PPM1L: variants seen among roughly 807,000 people sequenced by gnomAD.
PPM1L encodes protein phosphatase 1L.
A neutral mutation model predicts 31.4 loss-of-function variants in PPM1L; 13 were observed. The observed-to-expected ratio is 0.41, with a 90% CI of 0.27 to 0.66. PPM1L has a LOEUF of 0.66. Among genes scored for constraint, PPM1L ranks in the 30% least tolerant of loss-of-function variants. The pLI, the probability that PPM1L is intolerant of heterozygous loss-of-function variation, is 0.29. For missense variants in PPM1L, 326 were observed against 453.7 expected (o/e 0.72, Z 2.56); for synonymous variants, 184 against 175.4 (o/e 1.05, Z -0.39).
chr3:160,871,134 G>A (rs1712287417), intron 1 of PPM1L, among the ~76,000 whole-genome samples: 1 of 152,096 alleles, frequency 6.6e-6, no homozygotes, highest in South Asian at 2.1e-4. Context: ...ATATATAAAT[G>A]TCAAGGCTTC....
At chr3:160,884,868 A>C (rs927323615) in intron 1 of PPM1L, among the ~76,000 whole-genome samples, 3 of 152,238 alleles carry the variant, frequency 2.0e-5, no homozygotes, top group Non-Finnish European at 2.9e-5. Flanking sequence ...GAGTAGTGTT[A>C]GTCCCATGGA....
At chr3:160,977,830 C>T (rs1281132169) in intron 2 of PPM1L, among the ~76,000 whole-genome samples, 1 of 152,118 alleles carries the variant, frequency 6.6e-6, no homozygotes, top group Non-Finnish European at 1.5e-5. Context: ...AACCTAATGA[C>T]TTATAAAGTT....
intron 1 of PPM1L, among the ~76,000 whole-genome samples, chr3:160,803,632 A>C (rs1411166462): frequency 2.6e-5 from 4 of 152,140 alleles, no homozygotes; most frequent in Non-Finnish European, 5.9e-5. Flanking sequence ...ATATATGTAG[A>C]CATGCCTTAT....
chr3:161,061,818 T>A (rs1316529115), intron 2 of PPM1L, among the ~76,000 whole-genome samples: 1 of 152,154 alleles, frequency 6.6e-6, no homozygotes, highest in Non-Finnish European at 1.5e-5. Flanking sequence ...ACAGCCACAC[T>A]CTAAATCTCT....
intron 2 of PPM1L, among the ~76,000 whole-genome samples, chr3:161,005,156 T>C (rs960225327): frequency 6.6e-6 from 1 of 152,244 alleles, no homozygotes; most frequent in African/African-American, 2.4e-5. Flanking sequence ...TGCCTTCATT[T>C]TGTTATGTAC....
intron 2 of PPM1L, among the ~76,000 whole-genome samples, chr3:160,962,189 G>A (rs1478466457): frequency 6.6e-6 from 1 of 151,700 alleles, no homozygotes; most frequent in Non-Finnish European, 1.5e-5. Flanking sequence ...TTTCAACTTT[G>A]GATAGCAACT....
At chr3:160,819,192 G>A (rs1478457271) in intron 1 of PPM1L, among the ~76,000 whole-genome samples, 1 of 151,886 alleles carries the variant, frequency 6.6e-6, no homozygotes, top group Non-Finnish European at 1.5e-5. Flanking sequence ...GATTTCACTT[G>A]GCCTAAATTT....
At chr3:160,920,956 T>C (rs1327103365) in intron 1 of PPM1L, among the ~76,000 whole-genome samples, 1 of 152,142 alleles carries the variant, frequency 6.6e-6, no homozygotes, top group Non-Finnish European at 1.5e-5. Context: ...ACCATTTTCT[T>C]ACATTTTTAT....
chr3:161,022,050 TTA>T lies in PPM1L; in HGVS notation c.575-43349_575-43348del, dbSNP rs1422741602. ...TGTTTACTATTTTACTATTTGTTTT[TTA>T]TATGTCTTATGTATTTTGTTCCTTT... is the stretch of plus-strand genomic sequence containing the variant. On this transcript the variant is annotated intron_variant, in intron 2 of 3. Coordinates refer to ENST00000498165, the MANE Select transcript of PPM1L (RefSeq NM_139245.4). The T allele has an allele frequency of 1.8e-5, 9 of 514,158 alleles. No homozygotes were observed. The East Asian group carries it at 2.3e-4, about 13-fold the overall frequency. The allele number at this position is 514,158 out of a possible 1,614,324, so 31.8% of individuals were successfully genotyped here.
chr3:160,827,018 A>G (rs1310801173), intron 1 of PPM1L, among the ~76,000 whole-genome samples: 1 of 152,154 alleles, frequency 6.6e-6, no homozygotes, highest in Non-Finnish European at 1.5e-5. Context: ...CAAAAGAACA[A>G]TTATGGATTT....
intron 1 of PPM1L, among the ~76,000 whole-genome samples, chr3:160,952,508 T>C (rs1390179685): frequency 6.6e-6 from 1 of 152,186 alleles, no homozygotes; most frequent in Non-Finnish European, 1.5e-5. Context: ...TCGGTGACCA[T>C]TTCCCTAAAT....
intron 1 of PPM1L, among the ~76,000 whole-genome samples, chr3:160,941,506 G>A (rs1715161724): frequency 6.6e-6 from 1 of 152,122 alleles, no homozygotes; most frequent in Non-Finnish European, 1.5e-5. Context: ...TCATGATAGT[G>A]AATAAGTCTC....
At chr3:160,945,149 CTA>C (rs1715367108) in intron 1 of PPM1L, among the ~76,000 whole-genome samples, 1 of 96,562 alleles carries the variant, frequency 1.0e-5, no homozygotes, top group African/African-American at 4.3e-5. Flanking sequence ...ATCTATCTAT[CTA>C]TCTCCACTGA....
At chr3:160,961,931 C>T (rs771209540) in intron 2 of PPM1L, 21 bp downstream of exon 2, 5 of 1,523,562 alleles carry the variant, frequency 3.3e-6, no homozygotes, top group East Asian at 2.4e-5. Flanking sequence ...TTTTAAAACA[C>T]ACATTTTTTT....
chr3:160,991,431 T>C (rs1717131785), intron 2 of PPM1L, among the ~76,000 whole-genome samples: 1 of 152,188 alleles, frequency 6.6e-6, no homozygotes, highest in Non-Finnish European at 1.5e-5. Context: ...CTACTTGAGT[T>C]AAGAATCCCC....
intron 1 of PPM1L, among the ~76,000 whole-genome samples, chr3:160,885,755 G>A (rs945423724): frequency 1.3e-5 from 2 of 152,208 alleles, no homozygotes; most frequent in African/African-American, 4.8e-5. Context: ...CACGCCACGG[G>A]GTCTAGGGTC....
At chr3:161,004,792 C>T (rs546973761) in intron 2 of PPM1L, among the ~76,000 whole-genome samples, 1,537 of 151,530 alleles carry the variant, frequency 0.01, 30 homozygotes, top group African/African-American at 0.035. Flanking sequence ...AAAAAACCAG[C>T]TCCTGGATTC....
At chr3:160,903,421 A>G (rs1054288070) in intron 1 of PPM1L, among the ~76,000 whole-genome samples, 18 of 152,110 alleles carry the variant, frequency 1.2e-4, no homozygotes, top group Non-Finnish European at 2.2e-4. Context: ...CAACTGATGG[A>G]TAAGACTCAC....
At chr3:160,980,193 ATCT>A (rs1419448739) in intron 2 of PPM1L, among the ~76,000 whole-genome samples, 1 of 152,006 alleles carries the variant, frequency 6.6e-6, no homozygotes, top group Non-Finnish European at 1.5e-5. Flanking sequence ...TCAGAGCTTG[ATCT>A]TCTTGTGTCT....
Sources: allele counts gnomAD v4.1 joint callset (sites outside exome capture counted in the v4.1 genomes callset), GRCh38; gene constraint gnomAD v4.1.1; transcripts MANE v1.5; gene names NCBI Gene and HGNC (gene_info 2026-07-23, HGNC 2026-07-21).